The following TRAPPC1 variants were observed in gnomAD, a reference collection of about 807,000 sequenced individuals.
TRAPPC1 encodes the protein BET5 homolog.
In TRAPPC1, 10 loss-of-function variants were observed where a neutral mutation model predicts 17.2. The ratio of observed to expected loss-of-function variants is 0.58; its 90% CI spans 0.36 to 0.99. The LOEUF (loss-of-function observed/expected upper bound fraction) is 0.99, where lower values mean the gene tolerates loss of function less well. Among genes scored for constraint, TRAPPC1 ranks in the 50% least tolerant of loss-of-function variants. The pLI is 0.01. For synonymous variants in TRAPPC1, 85 were observed against 74.5 expected (o/e 1.14, Z -0.72); for missense variants, 163 against 184.4 (o/e 0.88, Z 0.67).
In TRAPPC1 at chr17:7,930,566, A is replaced by G. The variant is rs1403220119; in HGVS notation, c.*40T>C. The G allele has an allele frequency of 1.2e-6, 2 of 1,612,866 alleles. No individual in the cohort carries two copies. The highest frequency in any genetic ancestry group is 1.7e-6 in the Non-Finnish European group (2 of 1,179,528). ...GTTGGCACAGGTTCGGAAGGGCCCC[A>G]GGCAGACATGAATTCTCCTGAGACT... is the stretch of plus-strand genomic sequence containing the variant. On this transcript the variant is annotated 3_prime_UTR_variant, in exon 4 of 4. Transcript: ENST00000303731.
At position 7,931,871 on chromosome 17, in the gene TRAPPC1, C is replaced by T. The variant is rs777852034; in HGVS notation, c.-42G>A. ...GTGAGCCTCGCTCCGGGGCCGCCCC[C>T]ACTCCTTGGGCTCGGGTTCCCGGAC... On this transcript the variant is annotated 5_prime_UTR_variant, in exon 1 of 4. Transcript: ENST00000303731. 6 of 1,570,368 alleles carry T rather than the reference C, an allele frequency of 3.8e-6. No homozygotes were observed. The highest frequency in any genetic ancestry group is 5.3e-6 in the Non-Finnish European group (6 of 1,140,160).
At chr17:7,931,290 G>A in intron 2 of TRAPPC1, 141 bp from the exon 3 acceptor site, 2 of 1,195,894 alleles carry the variant, frequency 1.7e-6, no homozygotes, top group Non-Finnish European at 2.3e-6. Flanking sequence ...ATCGCCCATC[G>A]TCACCCCTCA....
chr17:7,931,787 A>C lies in TRAPPC1; in HGVS notation c.43T>G (p.Cys15Gly), dbSNP rs147691445. Residue 15 changes from cysteine (C) to glycine (G), a missense_variant, in exon 1 of 4, where the codon TGT becomes GGT. Physicochemically the swap from Cys to Gly is radical, Grantham distance 159. Coordinates refer to ENST00000303731, the MANE Select transcript of TRAPPC1 (RefSeq NM_021210.5). ...CGGTGCCATTCGCTGTAGTGCAGAC[A>C]CACTCCATTCCGGTCAAACAGGTAC... ...NLYLFDRNGV[C>G]LHYSEWHRKK... 4.0e-5 allele frequency: 64 copies of C among 1,614,024 alleles called. No homozygotes were observed. The highest frequency in any genetic ancestry group is 5.2e-5 in the Non-Finnish European group (61 of 1,180,026).
At chr17:7,930,938 G>A in intron 3 of TRAPPC1, 73 bp downstream of exon 3, 6 of 1,570,320 alleles carry the variant, frequency 3.8e-6, no homozygotes, top group Non-Finnish European at 5.2e-6. Flanking sequence ...TAGTAGGATT[G>A]GGGCAGGGGA....
At position 7,931,159 on chromosome 17, in the gene TRAPPC1, TGAG is replaced by T; in HGVS notation, c.171-13_171-11del. ...CAGGAAGCCATCCTTCCTGCAGAGA[TGAG>T]GAGGGTGTTAAAGAATGGGAGCAGA... On this transcript the variant is annotated splice_polypyrimidine_tract_variant and intron_variant, in intron 2 of 3. Coordinates refer to ENST00000303731, the MANE Select transcript of TRAPPC1 (RefSeq NM_021210.5). The T allele has an allele frequency of 6.2e-7, 1 of 1,613,490 alleles. No individual in the cohort carries two copies. Among genetic ancestry groups the T allele is most frequent in the Non-Finnish European group, 8.5e-7 (1 of 1,179,734 alleles).
At position 7,931,529 on chromosome 17, in the gene TRAPPC1, G is replaced by A; in HGVS notation, c.147C>T (p.Val49=). ...YGMLFSIRSF[V]SKMSPLDMKD... is the part of the protein sequence containing the mutation. ...ACATGTCTAGCGGGGACATCTTGCT[G>A]ACAAACGAGCGGATAGAGAAGAGCA... Residue 49 remains valine, a synonymous_variant, in exon 2 of 4, where the codon GTC becomes GTT. Coordinates refer to ENST00000303731, the MANE Select transcript of TRAPPC1 (RefSeq NM_021210.5). 1.2e-6 allele frequency: 2 copies of A among 1,613,952 alleles called. No homozygotes were observed. Among genetic ancestry groups the A allele is most frequent in the Middle Eastern group, 3.3e-4 (2 of 6,062 alleles).
chr17:7,930,707 G>T lies in TRAPPC1; in HGVS notation c.337C>A (p.Pro113Thr), dbSNP rs576484394. 81 of 1,614,166 alleles carry T rather than the reference G, an allele frequency of 5.0e-5. No individual in the cohort carries two copies. In the South Asian group the frequency reaches 8.6e-4, roughly 17 times the overall value. The change falls in exon 4 of 4, where the codon CCC (proline) becomes ACC (threonine). Residue 113 changes from proline to threonine, a missense_variant. Physicochemically the swap from Pro to Thr is conservative, Grantham distance 38. Coordinates refer to ENST00000303731, the MANE Select transcript of TRAPPC1 (RefSeq NM_021210.5). ...ALYVELVVKNPLCPLGQTVQS... is the reference protein window; with the variant it reads ...ALYVELVVKNTLCPLGQTVQS... ...ACAGTTTGGCCCAGCGGGCACAGGGGATTCTTCACCACCAGCTCCACATAC... is the reference window on the plus strand; with the variant it reads ...ACAGTTTGGCCCAGCGGGCACAGGGTATTCTTCACCACCAGCTCCACATAC...
intron 3 of TRAPPC1, 106 bp from the exon 4 acceptor site, chr17:7,930,840 G>A (rs1972445490): frequency 9.2e-6 from 14 of 1,516,138 alleles, no homozygotes; most frequent in Middle Eastern, 3.6e-4. Flanking sequence ...AATAAGGGCT[G>A]GAAGGCAAGC....
chr17:7,931,646 G>T, intron 1 of TRAPPC1, 70 bp from the exon 2 acceptor site: 3 of 1,521,828 alleles, frequency 2.0e-6, no homozygotes, highest in Non-Finnish European at 9.1e-7. Context: ...GAACGAGCTG[G>T]GGTTTGGAGA....
intron 1 of TRAPPC1, 68 bp downstream of exon 1, chr17:7,931,663 G>A: frequency 6.5e-6 from 10 of 1,531,702 alleles, no homozygotes; most frequent in Middle Eastern, 1.7e-4. Flanking sequence ...GAGAGGAGGG[G>A]CTGGGTTGGG....
At position 7,931,787 on chromosome 17, in the gene TRAPPC1, A is replaced by G. The variant is rs147691445; in HGVS notation, c.43T>C (p.Cys15Arg). The stretch of plus-strand genomic sequence containing the variant: ...CGGTGCCATTCGCTGTAGTGCAGAC[A>G]CACTCCATTCCGGTCAAACAGGTAC... ...NLYLFDRNGV[C>R]LHYSEWHRKK... Residue 15 changes from cysteine to arginine, a missense_variant, in exon 1 of 4, where the codon TGT becomes CGT. Coordinates refer to ENST00000303731, the MANE Select transcript of TRAPPC1 (RefSeq NM_021210.5). The G allele has an allele frequency of 1.2e-6, 2 of 1,614,024 alleles. No individual in the cohort carries two copies. Among genetic ancestry groups the G allele is most frequent in the African/African-American group, 1.3e-5 (1 of 74,908 alleles).
rs933205953 is a variant in TRAPPC1 at position 7,931,067 on chromosome 17, T to G, written c.253A>C (p.Asn85His). ...ATGGGTCCCACGCCCAAGTCAGTAT[T>G]CATGACAACTTTGATCCCAGTGGGC... ...ETPTGIKVVMNTDLGVGPIRD... is the reference protein window; with the variant it reads ...ETPTGIKVVMHTDLGVGPIRD... The change falls in exon 3 of 4, where the codon AAT (asparagine) becomes CAT (histidine). Residue 85 changes from asparagine (N) to histidine (H), a missense_variant. Transcript: ENST00000303731. 1 of 1,613,768 alleles carries G rather than the reference T, an allele frequency of 6.2e-7. No individual in the cohort carries two copies. The highest frequency in any genetic ancestry group is 1.3e-5 in the African/African-American group (1 of 74,798).
At chr17:7,930,808 A>T in intron 3 of TRAPPC1, 74 bp from the exon 4 acceptor site, 5 of 1,569,788 alleles carry the variant, frequency 3.2e-6, no homozygotes, top group Non-Finnish European at 4.3e-6. Context: ...GTATAACCTC[A>T]GGGGTGTGTG....
In TRAPPC1 at chr17:7,931,773, G is replaced by A. The variant is rs376766002; in HGVS notation, c.57C>T (p.Ser19=). 57 of 1,614,044 alleles carry A rather than the reference G, an allele frequency of 3.5e-5. No individual in the cohort carries two copies. The highest frequency in any genetic ancestry group is 3.3e-4 in the Middle Eastern group (2 of 6,084). The change falls in exon 1 of 4, where the codon AGC becomes AGT. Residue 19 remains serine, a synonymous_variant. Coordinates refer to ENST00000303731, the MANE Select transcript of TRAPPC1 (RefSeq NM_021210.5). ...CTGCTTGCTTCTTGCGGTGCCATTC[G>A]CTGTAGTGCAGACACACTCCATTCC... ...FDRNGVCLHY[S]EWHRKKQAGI...
At chr17:7,930,876 G>T in intron 3 of TRAPPC1, 135 bp downstream of exon 3, 1 of 1,485,310 alleles carries the variant, frequency 6.7e-7, no homozygotes, top group Admixed American at 2.1e-5. Context: ...AGTGGTGGTG[G>T]GAGTTAAGAA....
chr17:7,931,143 A>G lies in TRAPPC1; in HGVS notation c.177T>C (p.Asp59=), dbSNP rs1383285066. Residue 59 remains aspartate (D), a synonymous_variant, in exon 3 of 4, where the codon GAT becomes GAC. Coordinates refer to ENST00000303731, the MANE Select transcript of TRAPPC1 (RefSeq NM_021210.5). ...VSKMSPLDMK[D]GFLAFQTSRY... ...GGCTAGTTTGGAAGGCCAGGAAGCC[A>G]TCCTTCCTGCAGAGATGAGGAGGGT... The G allele has an allele frequency of 1.2e-6, 2 of 1,613,962 alleles. No individual in the cohort carries two copies. Among genetic ancestry groups the G allele is most frequent in the East Asian group, 2.2e-5 (1 of 44,862 alleles).
At position 7,931,549 on chromosome 17, in the gene TRAPPC1, A is replaced by G; in HGVS notation, c.127T>C (p.Phe43Leu). Residue 43 changes from phenylalanine (F) to leucine (L), a missense_variant, in exon 2 of 4, where the codon TTC becomes CTC. Phe to Leu is a conservative substitution (Grantham distance 22). Transcript: ENST00000303731. ...EEYKLMYGMLFSIRSFVSKMS... is the reference protein window; with the variant it reads ...EEYKLMYGMLLSIRSFVSKMS... ...TTGCTGACAAACGAGCGGATAGAGA[A>G]GAGCATCCCGTACATCAGCTTATAC... is the stretch of plus-strand genomic sequence containing the variant. 6.8e-6 allele frequency: 11 copies of G among 1,612,862 alleles called. No homozygotes were observed. The highest frequency in any genetic ancestry group is 9.3e-6 in the Non-Finnish European group (11 of 1,179,300).
intron 2 of TRAPPC1, 34 bp from the exon 3 acceptor site, chr17:7,931,183 G>A (rs1447867184): frequency 4.3e-6 from 7 of 1,609,986 alleles, no homozygotes; most frequent in Non-Finnish European, 5.1e-6. Context: ...AAGAATGGGA[G>A]CAGAATCTCT....
rs553697959 is a variant in TRAPPC1 at position 7,930,535 on chromosome 17, C to A, written c.*71G>T. On this transcript the variant is annotated 3_prime_UTR_variant, in exon 4 of 4. Transcript: ENST00000303731. ...GGGGTGCGGGGGCTTACAGTGGGGG[C>A]CCTTAGTTGGCACAGGTTCGGAAGG... 1.2e-6 allele frequency: 2 copies of A among 1,603,352 alleles called. No individual in the cohort carries two copies. Among genetic ancestry groups the A allele is most frequent in the South Asian group, 2.2e-5 (2 of 90,400 alleles).
Sources: allele counts gnomAD v4.1 joint callset, GRCh38; gene constraint gnomAD v4.1.1; transcripts MANE v1.5; gene names NCBI Gene and HGNC (gene_info 2026-07-23, HGNC 2026-07-21).